The following ADGRL2 variants were observed in gnomAD, a reference collection of about 807,000 sequenced individuals.
ADGRL2 encodes adhesion G protein-coupled receptor L2.
A neutral mutation model predicts 157.4 loss-of-function variants in ADGRL2; 44 were observed. That is an observed-to-expected ratio of 0.28 (90% CI 0.22 to 0.36). The LOEUF is 0.36. ADGRL2 is among the 10% of genes least tolerant of loss of function. ADGRL2 has a pLI of 1.00. For missense variants in ADGRL2, 1,510 were observed against 1,768.9 expected, an observed-to-expected ratio of 0.85 and a Z score of 2.63; for synonymous variants, 585 against 624.7, an observed-to-expected ratio of 0.94 and a Z score of 0.95.
At chr1:81,670,069 T>C (rs897264023) in intron 3 of ADGRL2, among the ~76,000 whole-genome samples, 1 of 150,836 alleles carries the variant, frequency 6.6e-6, no homozygotes, top group East Asian at 1.9e-4. Context: ...GGAAAGTGTG[T>C]GGTGTTCAGA....
Position 81,416,319 on chromosome 1 carries a change from AAAAAAAAAG to A in ADGRL2, c.-301-28712_-301-28704del, listed in dbSNP as rs1414572429. Among the ~76,000 whole-genome samples the A allele has an allele frequency of 1.2e-3, 175 of 150,870 alleles. 2 individuals are homozygous for A. The highest frequency in any genetic ancestry group is 4.0e-3 in the African/African-American group (166 of 41,260). On this transcript the variant is annotated intron_variant, in intron 1 of 24. Coordinates refer to the ADGRL2 transcript ENST00000370721. ...TATACCCTGAACAACCTTCTTGCAAAAAAAAAAAGAAAAGAAAAGAAAAGAAAAAACACA... is the reference window on the plus strand; with the variant it reads ...TATACCCTGAACAACCTTCTTGCAAAAAAAGAAAAGAAAAGAAAAAACACA...
At chr1:81,557,531 A>AAAGAAAGAAAGAAAGAAAGAG (rs1557459430) in intron 2 of ADGRL2, 6 of 150,544 alleles carry the variant, frequency 4.0e-5, no homozygotes, top group African/African-American at 9.9e-5. Context: ...GAAAGAGAAG[A>AAAGAAAGAAAGAAAGAAAGAG]AAGAAAGAAA....
intron 1 of ADGRL2, among the ~76,000 whole-genome samples, chr1:81,801,466 C>G (rs1479032366): frequency 6.6e-6 from 1 of 152,194 alleles, no homozygotes; most frequent in Admixed American, 6.5e-5. Flanking sequence ...CACACACACG[C>G]AGAGGTGCTG....
chr1:81,610,165 T>A (rs112191343), intron 3 of ADGRL2, among the ~76,000 whole-genome samples: 1,780 of 151,468 alleles, frequency 0.012, 27 homozygotes, highest in African/African-American at 0.039. Context: ...ATACATTTTA[T>A]GTAAATTACA....
chr1:81,340,428 A>G (rs1661987696), intron 1 of ADGRL2, among the ~76,000 whole-genome samples: 1 of 152,150 alleles, frequency 6.6e-6, no homozygotes, highest in Admixed American at 6.6e-5. Context: ...CTTCCGGTAC[A>G]GAAGCAATTT....
intron 2 of ADGRL2, among the ~76,000 whole-genome samples, chr1:81,857,250 C>T (rs979140529): frequency 6.6e-6 from 1 of 152,112 alleles, no homozygotes; most frequent in African/African-American, 2.4e-5. Context: ...TTTCAATTTG[C>T]ATAATAATGG....
At chr1:81,430,902 C>A (rs750832914) in intron 1 of ADGRL2, among the ~76,000 whole-genome samples, 3 of 152,194 alleles carry the variant, frequency 2.0e-5, no homozygotes, top group Non-Finnish European at 4.4e-5. Flanking sequence ...TTGGTACTTA[C>A]TTATTTTCCA....
At chr1:81,383,817 A>C (rs913103918) in intron 1 of ADGRL2, among the ~76,000 whole-genome samples, 15 of 145,952 alleles carry the variant, frequency 1.0e-4, no homozygotes, top group African/African-American at 3.5e-4. Flanking sequence ...ACAAAAAAAA[A>C]AAAAAAAAAG....
At chr1:81,537,111 A>C (rs2079758331) in intron 2 of ADGRL2, among the ~76,000 whole-genome samples, 2 of 152,174 alleles carry the variant, frequency 1.3e-5, no homozygotes, top group South Asian at 4.1e-4. Context: ...TTGTTTTTGA[A>C]TTACATATAC....
intron 3 of ADGRL2, among the ~76,000 whole-genome samples, chr1:81,621,620 T>C (rs933579231): frequency 6.6e-6 from 1 of 152,138 alleles, no homozygotes; most frequent in Non-Finnish European, 1.5e-5. Flanking sequence ...TGGAAGTGGA[T>C]TCTTTCTTCT....
chr1:81,925,522 T>G (rs2095083516), intron 3 of ADGRL2, among the ~76,000 whole-genome samples: 1 of 151,594 alleles, frequency 6.6e-6, no homozygotes, highest in Admixed American at 6.6e-5. Context: ...TAATTCGTTT[T>G]GTGTAATGAA....
intron 1 of ADGRL2, among the ~76,000 whole-genome samples, chr1:81,348,111 G>T (rs1662611273): frequency 6.6e-6 from 1 of 152,312 alleles, no homozygotes; most frequent in Non-Finnish European, 1.5e-5. Context: ...AGCTGAAGAA[G>T]CAGAGCTGCA....
chr1:81,803,171 G>T (rs2088556700), intron 1 of ADGRL2, among the ~76,000 whole-genome samples: 1 of 152,064 alleles, frequency 6.6e-6, no homozygotes, highest in Admixed American at 6.5e-5. Context: ...CGAGAGAAAG[G>T]CGTGGGAGGA....
intron 1 of ADGRL2, among the ~76,000 whole-genome samples, chr1:81,342,343 T>A (rs1013208759): frequency 6.6e-6 from 1 of 152,226 alleles, no homozygotes; most frequent in Non-Finnish European, 1.5e-5. Context: ...ATTAATCAAA[T>A]CAAATTAAAT....
chr1:81,371,296 T>C (rs1570752519), intron 1 of ADGRL2, among the ~76,000 whole-genome samples: 1 of 152,302 alleles, frequency 6.6e-6, no homozygotes, highest in East Asian at 1.9e-4. Flanking sequence ...AGTCTATTTT[T>C]AAATACCAAG....
intron 2 of ADGRL2, among the ~76,000 whole-genome samples, chr1:81,569,129 T>G (rs1022493997): frequency 6.6e-6 from 1 of 152,174 alleles, no homozygotes; most frequent in Non-Finnish European, 1.5e-5. Flanking sequence ...GTACTGGTAT[T>G]CAGTTCTAAT....
intron 1 of ADGRL2, among the ~76,000 whole-genome samples, chr1:81,376,617 C>T (rs1314153647): frequency 6.6e-6 from 1 of 151,626 alleles, no homozygotes; most frequent in Non-Finnish European, 1.5e-5. Context: ...CCATCCCTCT[C>T]TCCCTTTCTC....
At chr1:81,757,166 T>C (rs2085721104) in intron 1 of ADGRL2, among the ~76,000 whole-genome samples, 1 of 152,150 alleles carries the variant, frequency 6.6e-6, no homozygotes, top group African/African-American at 2.4e-5. Flanking sequence ...GACCATTTGC[T>C]AGCAAAACCT....
At chr1:81,575,139 T>G (rs2080772310) in intron 2 of ADGRL2, among the ~76,000 whole-genome samples, 1 of 152,206 alleles carries the variant, frequency 6.6e-6, no homozygotes, top group Non-Finnish European at 1.5e-5. Context: ...TGTGTTTTCT[T>G]ATTTCTGTCA....
Sources: gnomAD v4.1 joint callset for allele counts (sites outside exome capture counted in the v4.1 genomes callset) on GRCh38, gnomAD v4.1.1 for gene constraint, MANE v1.5 for transcripts, NCBI Gene and HGNC (gene_info 2026-07-23, HGNC 2026-07-21) for gene names.